PHF11: variants seen among roughly 807,000 people sequenced by gnomAD.
PHF11 encodes the protein BRCA1 C-terminus-associated protein.
In PHF11, 38 loss-of-function variants were observed where a neutral mutation model predicts 40.5. The observed-to-expected ratio is 0.94, with a 90% CI of 0.72 to 1.23. The LOEUF (loss-of-function observed/expected upper bound fraction) is 1.23, where lower values mean the gene tolerates loss of function less well. Among genes scored for constraint, PHF11 ranks in the 50% most tolerant of loss-of-function variants. The probability of loss-of-function intolerance (pLI) is 0.00; values close to 1 mark genes in which losing one functional copy is unlikely to be tolerated. For missense variants in PHF11, 369 were observed against 392.4 expected, an observed-to-expected ratio of 0.94 and a Z score of 0.50; for synonymous variants, 127 against 138.2, an observed-to-expected ratio of 0.92 and a Z score of 0.57.
chr13:49,516,647 A>G (rs1959158996), intron 3 of PHF11, among the ~76,000 whole-genome samples: 1 of 151,916 alleles, frequency 6.6e-6, no homozygotes, highest in Non-Finnish European at 1.5e-5. Flanking sequence ...GCTGGAGTGC[A>G]ATCACAGCTC....
intron 2 of PHF11, among the ~76,000 whole-genome samples, chr13:49,512,656 A>G (rs1157747602): frequency 1.3e-5 from 2 of 152,236 alleles, no homozygotes. Flanking sequence ...AGAAACAGCT[A>G]GAAAGCCATT....
intron 3 of PHF11, among the ~76,000 whole-genome samples, chr13:49,515,534 G>C (rs1959141464): frequency 6.7e-6 from 1 of 148,826 alleles, no homozygotes; most frequent in African/African-American, 2.5e-5. Context: ...CATAAAAACA[G>C]CACTATCATT....
intron 1 of PHF11, chr13:49,497,229 G>C (rs1184154135): frequency 1.1e-5 from 14 of 1,280,758 alleles, no homozygotes; most frequent in Non-Finnish European, 1.4e-5. Context: ...TAAGTCACGG[G>C]AGATGCGCTT....
At chr13:49,527,856 TA>T (rs1459302835) in intron 9 of PHF11, among the ~76,000 whole-genome samples, 3 of 152,214 alleles carry the variant, frequency 2.0e-5, no homozygotes, top group Non-Finnish European at 2.9e-5. Flanking sequence ...CCCTGGTTGA[TA>T]AAAACTTGCT....
chr13:49,495,978 G>C lies in PHF11; in HGVS notation c.-24G>C, dbSNP rs1331093198. ...ACTTCCGGGATCTCGCTATCCGGCC[G>C]CCACCCGCAGCTGCAGCACAGTCAT... is the stretch of plus-strand genomic sequence containing the variant. On this transcript the variant is annotated 5_prime_UTR_variant, in exon 1 of 10. Coordinates refer to ENST00000378319, the MANE Select transcript of PHF11 (RefSeq NM_001040443.3). The C allele has an allele frequency of 6.8e-7, 1 of 1,467,712 alleles. No homozygotes were observed. The highest frequency in any genetic ancestry group is 9.1e-7 in the Non-Finnish European group (1 of 1,101,462). The allele number at this position is 1,467,712 out of a possible 1,614,324, so 90.9% of individuals were successfully genotyped here. A position where few individuals can be genotyped will look rare whatever the true frequency, so the allele number is the denominator to read the frequency against.
At chr13:49,522,613 C>CAT (rs1468906151) in intron 6 of PHF11, among the ~76,000 whole-genome samples, 1 of 152,160 alleles carries the variant, frequency 6.6e-6, no homozygotes, top group Admixed American at 6.5e-5. Context: ...AGTTTTTACA[C>CAT]ATCAGCACAT....
At chr13:49,519,676 A>G (rs979094700) in intron 4 of PHF11, among the ~76,000 whole-genome samples, 1 of 80,536 alleles carries the variant, frequency 1.2e-5, no homozygotes, top group African/African-American at 7.7e-5. Flanking sequence ...GAGGGGTTAC[A>G]TGAAAGGAGC....
At chr13:49,512,992 G>C in intron 2 of PHF11, 67 bp from the exon 3 acceptor site, 1 of 793,822 alleles carries the variant, frequency 1.3e-6, no homozygotes, top group Middle Eastern at 2.3e-4. Flanking sequence ...CTTTTGGTAT[G>C]ATTTTCTGAC....
intron 7 of PHF11, 130 bp from the exon 8 acceptor site, chr13:49,523,955 G>T: frequency 1.8e-6 from 1 of 540,610 alleles, no homozygotes. Flanking sequence ...TAAAAAGGGT[G>T]AAGGTGCTGT....
chr13:49,522,047 A>T lies in PHF11; in HGVS notation c.510A>T (p.Lys170Asn). 1 of 1,475,254 alleles carries T rather than the reference A, an allele frequency of 6.8e-7. No homozygotes were observed. Among genetic ancestry groups the T allele is most frequent in the Middle Eastern group, 1.7e-4 (1 of 5,800 alleles). 91.4% of individuals were successfully genotyped at this position (1,475,254 alleles called of 1,614,324 possible). The change falls in exon 6 of 10, where the codon AAA becomes AAT. Residue 170 changes from lysine to asparagine, a missense_variant. By Grantham distance (94) the Lys-to-Asn change is moderately conservative. Transcript: ENST00000378319. ...AQFPIIAQSA[K>N]FSGVKRKRGR... ...TTAAATGGTTTATATTTTTAGCTAA[A>T]TTTTCAGGAGTGAAAAGAAAAAGAG...
At chr13:49,522,216 C>G (rs1959191873) in intron 6 of PHF11, 109 bp downstream of exon 6, 9 of 583,682 alleles carry the variant, frequency 1.5e-5, no homozygotes, top group South Asian at 1.4e-4. Context: ...AAACAGAGAG[C>G]CTTTGAAGAA....
rs1303108975 is a variant in PHF11, at chr13:49,528,465, A to G, written c.842-46A>G. 12 of 1,346,080 alleles carry G rather than the reference A, an allele frequency of 8.9e-6. No individual in the cohort carries two copies. In the African/African-American group the frequency reaches 1.5e-4, roughly 16 times the overall value. The allele number at this position is 1,346,080 out of a possible 1,614,324, so 83.4% of individuals were successfully genotyped here. A position where few individuals can be genotyped will look rare whatever the true frequency, so the allele number is the denominator to read the frequency against. On this transcript the variant is annotated intron_variant, in intron 9 of 9. Coordinates refer to ENST00000378319, the MANE Select transcript of PHF11 (RefSeq NM_001040443.3). ...CTAGAAATGGTACATTATTTCTAAT[A>G]AAACTACTGAATAAGCTGAAATAAT...
chr13:49,521,052 T>A, intron 5 of PHF11, 112 bp downstream of exon 5: 6 of 1,408,390 alleles, frequency 4.3e-6, no homozygotes, highest in Non-Finnish European at 5.6e-6. Flanking sequence ...AATGTTTGAG[T>A]TAAAATTTTA....
At chr13:49,497,269 C>T in intron 1 of PHF11, 2 of 1,032,980 alleles carry the variant, frequency 1.9e-6, no homozygotes, top group Non-Finnish European at 2.7e-6. Flanking sequence ...AAACTCCAGA[C>T]TGGTATAACC....
intron 2 of PHF11, among the ~76,000 whole-genome samples, chr13:49,508,179 TA>T (rs1350769016): frequency 1.4e-5 from 2 of 147,804 alleles, no homozygotes; most frequent in African/African-American, 2.5e-5. Context: ...AATATATTAT[TA>T]ATGCAGTATG....
Position 49,528,633 on chromosome 13 carries a change from A to T in PHF11, c.964A>T (p.Ser322Cys), listed in dbSNP as rs1296914872. 1 of 1,610,510 alleles carries T rather than the reference A, an allele frequency of 6.2e-7. No individual in the cohort carries two copies. The highest frequency in any genetic ancestry group is 8.5e-7 in the Non-Finnish European group (1 of 1,177,818). The change falls in exon 10 of 10, where the codon AGT becomes TGT. Residue 322 changes from serine (S) to cysteine (C), a missense_variant. Ser to Cys is a moderately radical substitution (Grantham distance 112). Coordinates refer to ENST00000378319, the MANE Select transcript of PHF11 (RefSeq NM_001040443.3). ...TCAAGAAAATAGAGATCTTATGTCAAGTTCTACATCAATATCATCCCTGTC... is the reference window on the plus strand; with the variant it reads ...TCAAGAAAATAGAGATCTTATGTCATGTTCTACATCAATATCATCCCTGTC... The part of the protein sequence containing the change: ...SFQENRDLMS[S>C]STSISSLSY
At chr13:49,508,611 A>G (rs1959042862) in intron 2 of PHF11, among the ~76,000 whole-genome samples, 1 of 151,698 alleles carries the variant, frequency 6.6e-6, no homozygotes, top group Admixed American at 6.6e-5. Flanking sequence ...TATAAACACT[A>G]TTTATTTTTA....
intron 2 of PHF11, among the ~76,000 whole-genome samples, chr13:49,509,867 C>A (rs897242916): frequency 6.6e-6 from 1 of 152,204 alleles, no homozygotes; most frequent in East Asian, 1.9e-4. Context: ...TTGCGTATGT[C>A]TTTATTAGCA....
chr13:49,528,680 T>G lies in PHF11; in HGVS notation c.*15T>G, dbSNP rs746996040. On this transcript the variant is annotated 3_prime_UTR_variant, in exon 10 of 10. Coordinates refer to ENST00000378319, the MANE Select transcript of PHF11 (RefSeq NM_001040443.3). ...TGTCTTATTAGGGATTACCGTTTCC[T>G]AAGCCAAGAGTCATGTCAAATTGCA... 3.2e-6 allele frequency: 5 copies of G among 1,567,956 alleles called. No individual in the cohort carries two copies. The highest frequency in any genetic ancestry group is 3.5e-6 in the Non-Finnish European group (4 of 1,155,254).
Sources: gnomAD v4.1 joint callset for allele counts (sites outside exome capture counted in the v4.1 genomes callset) on GRCh38, gnomAD v4.1.1 for gene constraint, MANE v1.5 for transcripts, NCBI Gene and HGNC (gene_info 2026-07-23, HGNC 2026-07-21) for gene names.